NFIB: variants seen among roughly 807,000 people sequenced by gnomAD.
NFIB encodes nuclear factor 1 B-type.
In NFIB, 11 loss-of-function variants were observed where a neutral mutation model predicts 61.5. That is an observed-to-expected ratio of 0.18 (90% CI 0.11 to 0.30). NFIB has a LOEUF of 0.30. Ranked by LOEUF, NFIB falls within the 10% of genes least tolerant of loss-of-function variation. NFIB has a pLI of 1.00. For synonymous variants in NFIB, 260 were observed against 216.5 expected (o/e 1.20, Z -1.76); for missense variants, 471 against 608.9 (o/e 0.77, Z 2.38).
chr9:14,284,879 C>A (rs1475127001), intron 2 of NFIB, among the ~76,000 whole-genome samples: 2 of 152,140 alleles, frequency 1.3e-5, no homozygotes, highest in Admixed American at 1.3e-4. Flanking sequence ...AAGTATGGCT[C>A]TTGACTTGCT....
chr9:14,492,727 T>C, the NFIB span, among the ~76,000 whole-genome samples: 4 of 152,094 alleles, frequency 2.6e-5, no homozygotes, highest in Non-Finnish European at 5.9e-5. Flanking sequence ...CCCACCTCCA[T>C]CATTGGGGAT....
chr9:14,476,990 A>C, the NFIB span, among the ~76,000 whole-genome samples: 1 of 152,268 alleles, frequency 6.6e-6, no homozygotes. Context: ...TGAATCTCTT[A>C]GTACTTTAAA....
intron 2 of NFIB, among the ~76,000 whole-genome samples, chr9:14,243,064 C>T (rs2054517490): frequency 6.6e-6 from 1 of 152,132 alleles, no homozygotes; most frequent in African/African-American, 2.4e-5. Flanking sequence ...AAACAGCCCC[C>T]TGAAAGAAAT....
At chr9:14,257,873 T>C (rs1587972346) in intron 2 of NFIB, among the ~76,000 whole-genome samples, 1 of 152,224 alleles carries the variant, frequency 6.6e-6, no homozygotes, top group South Asian at 2.1e-4. Flanking sequence ...TTATTTGTTA[T>C]CATGCTAAAG....
the NFIB span, among the ~76,000 whole-genome samples, chr9:14,460,376 G>GGGGA: frequency 6.8e-6 from 1 of 146,128 alleles, no homozygotes; most frequent in African/African-American, 2.5e-5. Flanking sequence ...TGCGGGGTGG[G>GGGGA]GGGAGGGAGA....
the NFIB span, among the ~76,000 whole-genome samples, chr9:14,531,115 T>G: frequency 6.6e-6 from 1 of 152,100 alleles, no homozygotes; most frequent in East Asian, 1.9e-4. Flanking sequence ...TGTGAAAGGT[T>G]TTCTTTCCCC....
At chr9:14,276,248 A>G (rs2057989025) in intron 2 of NFIB, among the ~76,000 whole-genome samples, 1 of 152,194 alleles carries the variant, frequency 6.6e-6, no homozygotes, top group African/African-American at 2.4e-5. Flanking sequence ...GATCTAGACT[A>G]TCTGTTGGGG....
intron 2 of NFIB, among the ~76,000 whole-genome samples, chr9:14,197,921 C>T (rs910815971): frequency 6.6e-6 from 1 of 151,898 alleles, no homozygotes; most frequent in African/African-American, 2.4e-5. Context: ...ACAAAAGGCA[C>T]AAAAGAAAAT....
chr9:14,088,133 C>T lies in NFIB; in HGVS notation c.*176G>A. On this transcript the variant is annotated 3_prime_UTR_variant, in exon 11 of 11. Transcript: ENST00000380953. ...CTTTGTGTTGTTTTGTCCAGTCTTCCTCTTTTCCTTTTTTTTTATTTAAAA... is the reference window on the plus strand; with the variant it reads ...CTTTGTGTTGTTTTGTCCAGTCTTCTTCTTTTCCTTTTTTTTTATTTAAAA... 7.4e-7 allele frequency: 1 copy of T among 1,355,360 alleles called. No homozygotes were observed. Among genetic ancestry groups the T allele is most frequent in the South Asian group, 1.8e-5 (1 of 55,798 alleles). The allele number at this position is 1,355,360 out of a possible 1,614,324, so 84.0% of individuals were successfully genotyped here. A position where few individuals can be genotyped will look rare whatever the true frequency, so the allele number is the denominator to read the frequency against.
the NFIB span, among the ~76,000 whole-genome samples, chr9:14,519,608 A>C: frequency 6.6e-6 from 1 of 152,098 alleles, no homozygotes; most frequent in African/African-American, 2.4e-5. Flanking sequence ...ACTGTCAGGC[A>C]TTTTACTGCG....
chr9:14,277,817 T>C (rs908354678), intron 2 of NFIB, among the ~76,000 whole-genome samples: 2 of 152,164 alleles, frequency 1.3e-5, no homozygotes, highest in African/African-American at 2.4e-5. Context: ...TACTTGAACA[T>C]CCAGTGTACC....
chr9:14,470,821 T>C, the NFIB span, among the ~76,000 whole-genome samples: 4 of 152,166 alleles, frequency 2.6e-5, no homozygotes, highest in East Asian at 7.7e-4. Flanking sequence ...AATCACAATT[T>C]GTTGTAAGAC....
chr9:14,111,633 T>C (rs1237320874), intron 10 of NFIB, among the ~76,000 whole-genome samples: 1 of 152,190 alleles, frequency 6.6e-6, no homozygotes, highest in Non-Finnish European at 1.5e-5. Flanking sequence ...CATATTCTAG[T>C]AATTATAACT....
At chr9:14,519,773 A>C in the NFIB span, among the ~76,000 whole-genome samples, 229 of 152,320 alleles carry the variant, frequency 1.5e-3, no homozygotes, top group African/African-American at 5.2e-3. Flanking sequence ...CAGCTGAGGA[A>C]ACTGAGTCAC....
chr9:14,457,177 T>A, the NFIB span, among the ~76,000 whole-genome samples: 1 of 152,144 alleles, frequency 6.6e-6, no homozygotes, highest in Non-Finnish European at 1.5e-5. Context: ...TGGAAAAACA[T>A]ATTAGGAGCT....
chr9:14,311,732 A>C (rs1309694558), intron 1 of NFIB, among the ~76,000 whole-genome samples: 1 of 152,218 alleles, frequency 6.6e-6, no homozygotes, highest in African/African-American at 2.4e-5. Context: ...ATTGCTAGCA[A>C]TGTTTCTGAA....
chr9:14,124,743 G>A (rs935438413), intron 7 of NFIB, among the ~76,000 whole-genome samples: 18 of 152,054 alleles, frequency 1.2e-4, no homozygotes, highest in African/African-American at 4.3e-4. Flanking sequence ...TTTGGTATTA[G>A]CTGTTGGTTA....
At chr9:14,300,735 T>C (rs886704694) in intron 2 of NFIB, among the ~76,000 whole-genome samples, 1 of 152,222 alleles carries the variant, frequency 6.6e-6, no homozygotes, top group East Asian at 1.9e-4. Flanking sequence ...AATTCTGACA[T>C]AACCTTCCGT....
intron 1 of NFIB, among the ~76,000 whole-genome samples, chr9:14,310,412 A>T (rs1162584972): frequency 2.0e-5 from 3 of 152,204 alleles, no homozygotes; most frequent in African/African-American, 7.2e-5. Flanking sequence ...GTTTGCTGTA[A>T]GTCGCATATA....
Sources: allele counts gnomAD v4.1 joint callset (sites outside exome capture counted in the v4.1 genomes callset), GRCh38; gene constraint gnomAD v4.1.1; transcripts MANE v1.5; gene names NCBI Gene and HGNC (gene_info 2026-07-23, HGNC 2026-07-21).